PRPF18: variants seen among roughly 807,000 people sequenced by gnomAD.
The protein encoded by PRPF18 is pre-mRNA processing factor 18, also known as pre-mRNA-splicing factor 18.
In PRPF18, 38 loss-of-function variants were observed where a neutral mutation model predicts 46.5. The ratio of observed to expected loss-of-function variants is 0.82; its 90% CI spans 0.63 to 1.07. The LOEUF (loss-of-function observed/expected upper bound fraction) is 1.07. PRPF18 is among the 50% of genes least tolerant of loss of function. The probability of loss-of-function intolerance (pLI) is 0.00; values close to 1 mark genes in which losing one functional copy is unlikely to be tolerated. For synonymous variants in PRPF18, 152 were observed against 146.7 expected (o/e 1.04, Z -0.26); for missense variants, 263 against 410.0 (o/e 0.64, Z 3.10).
chr10:13,603,818 T>A (rs2080148859), intron 3 of PRPF18, among the ~76,000 whole-genome samples: 1 of 152,154 alleles, frequency 6.6e-6, no homozygotes. Context: ...TAAAAGGAAA[T>A]TTTCAGGGGA....
At chr10:13,600,703 T>G (rs1304714724) in intron 3 of PRPF18, among the ~76,000 whole-genome samples, 1 of 151,812 alleles carries the variant, frequency 6.6e-6, no homozygotes, top group Non-Finnish European at 1.5e-5. Flanking sequence ...CTTTCCAGAT[T>G]AAAATATGGA....
intron 3 of PRPF18, among the ~76,000 whole-genome samples, chr10:13,601,643 A>G (rs1353870723): frequency 6.6e-6 from 1 of 152,108 alleles, no homozygotes; most frequent in Admixed American, 6.5e-5. Context: ...TTTGAAGGCC[A>G]TTTTATGTTG....
At chr10:13,643,527 G>A in the PRPF18 span, 28 of 152,580 alleles carry the variant, frequency 1.8e-4, no homozygotes, top group Admixed American at 5.2e-4. Context: ...ATTCACCTCA[G>A]CTGAACAAAC....
the PRPF18 span, chr10:13,652,446 G>C: frequency 1.2e-5 from 2 of 166,482 alleles, no homozygotes; most frequent in African/African-American, 4.8e-5. Flanking sequence ...GGAAGATCTA[G>C]AGAGGGATCT....
the PRPF18 span, among the ~76,000 whole-genome samples, chr10:13,638,382 A>G: frequency 6.6e-6 from 1 of 151,392 alleles, no homozygotes; most frequent in Non-Finnish European, 1.5e-5. Context: ...ACAGAAAAAC[A>G]GAAGAGATAG....
chr10:13,655,703 C>T, the PRPF18 span: 1 of 152,212 alleles, frequency 6.6e-6, no homozygotes, highest in Non-Finnish European at 1.5e-5. Flanking sequence ...CACTCTGTTT[C>T]CCCCGATCTT....
At chr10:13,629,267 A>G (rs911319243) in intron 9 of PRPF18, among the ~76,000 whole-genome samples, 2 of 152,244 alleles carry the variant, frequency 1.3e-5, no homozygotes, top group African/African-American at 4.8e-5. Context: ...GATACAGAAC[A>G]AAAGTAGTGC....
intron 1 of PRPF18, chr10:13,592,277 G>T: frequency 2.1e-6 from 1 of 468,350 alleles, no homozygotes. Context: ...CTTGGCTTTG[G>T]GTTTCTTCTC....
chr10:13,638,343 T>G, the PRPF18 span, among the ~76,000 whole-genome samples: 1 of 150,310 alleles, frequency 6.7e-6, no homozygotes, highest in African/African-American at 2.5e-5. Context: ...TCATTTTGTA[T>G]AAAACATGAA....
At chr10:13,606,681 G>C (rs1233212447) in intron 4 of PRPF18, among the ~76,000 whole-genome samples, 1 of 133,900 alleles carries the variant, frequency 7.5e-6, no homozygotes, top group Non-Finnish European at 1.5e-5. Context: ...GTTGCAGTGA[G>C]CTGAGATTGT....
intron 5 of PRPF18, 137 bp from the exon 6 acceptor site, chr10:13,611,478 A>G: frequency 1.5e-6 from 1 of 683,272 alleles, no homozygotes; most frequent in East Asian, 2.9e-5. Context: ...TTTCTTATCT[A>G]GAAATTCCAT....
chr10:13,602,272 C>T (rs992619422), intron 3 of PRPF18, among the ~76,000 whole-genome samples: 2 of 152,118 alleles, frequency 1.3e-5, no homozygotes, highest in East Asian at 1.9e-4. Context: ...CATGTTTTCA[C>T]GTGTTCAGTG....
At chr10:13,595,049 T>C (rs1352086567) in intron 1 of PRPF18, among the ~76,000 whole-genome samples, 1 of 152,230 alleles carries the variant, frequency 6.6e-6, no homozygotes, top group Non-Finnish European at 1.5e-5. Flanking sequence ...AACTAGACTT[T>C]TTATTTTTTT....
At chr10:13,648,614 C>T in the PRPF18 span, 1 of 152,158 alleles carries the variant, frequency 6.6e-6, no homozygotes, top group African/African-American at 2.4e-5. Flanking sequence ...GTCATTTCCT[C>T]CTGAGAACTA....
At chr10:13,651,833 C>A in the PRPF18 span, 1 of 804,842 alleles carries the variant, frequency 1.2e-6, no homozygotes, top group Non-Finnish European at 2.3e-6. Context: ...GAAATGATGA[C>A]ATGGACAAAA....
At chr10:13,600,770 GTTTC>G (rs1342163224) in intron 3 of PRPF18, among the ~76,000 whole-genome samples, 7 of 151,540 alleles carry the variant, frequency 4.6e-5, no homozygotes, top group African/African-American at 1.2e-4. Context: ...GCTCCATAAT[GTTTC>G]TTTCTTTATT....
At chr10:13,610,628 A>G (rs977574188) in intron 5 of PRPF18, among the ~76,000 whole-genome samples, 2 of 152,102 alleles carry the variant, frequency 1.3e-5, no homozygotes, top group Non-Finnish European at 2.9e-5. Context: ...TACGCCATTC[A>G]CTGCATTTGA....
chr10:13,651,962 T>G, the PRPF18 span: 1 of 1,584,144 alleles, frequency 6.3e-7, no homozygotes, highest in Non-Finnish European at 8.7e-7. Context: ...TGGGTGAGTT[T>G]TCTGTTGCTT....
rs555174490 is a variant in PRPF18 at position 13,587,467 on chromosome 10, A to G, written c.66+315A>G. Reference sequence around the variant, plus strand: ...AACGCCCACGTCCAAAAGCCAAACCAAAAGAAAAATCCTCATCTTCCCACC... The same window carrying G: ...AACGCCCACGTCCAAAAGCCAAACCGAAAGAAAAATCCTCATCTTCCCACC... On this transcript the variant is annotated intron_variant, in intron 1 of 9. Coordinates refer to ENST00000378572, the MANE Select transcript of PRPF18 (RefSeq NM_003675.4). 1.2e-4 allele frequency among the ~76,000 whole-genome samples: 18 copies of G among 152,354 alleles called. No homozygotes were observed. The South Asian group carries it at 1.4e-3, about 12-fold the overall frequency.
Sources: gnomAD v4.1 joint callset for allele counts (sites outside exome capture counted in the v4.1 genomes callset) on GRCh38, gnomAD v4.1.1 for gene constraint, MANE v1.5 for transcripts, NCBI Gene and HGNC (gene_info 2026-07-23, HGNC 2026-07-21) for gene names.